The following TANC1 variants were observed in gnomAD, a reference collection of about 807,000 sequenced individuals.
TANC1 encodes tetratricopeptide repeat, ankyrin repeat and coiled-coil containing 1.
In TANC1, 77 loss-of-function variants were observed where a neutral mutation model predicts 149.7. The observed-to-expected ratio is 0.51, with a 90% CI of 0.43 to 0.62. The LOEUF is 0.62. TANC1 is among the 20% of genes least tolerant of loss of function. TANC1 has a pLI of 0.00. For synonymous variants in TANC1, 854 were observed against 925.0 expected (o/e 0.92, Z 1.39); for missense variants, 1,985 against 2,321.8 (o/e 0.85, Z 2.98).
intron 1 of TANC1, among the ~76,000 whole-genome samples, chr2:158,984,860 G>A (rs1719079): frequency 0.89 from 135,386 of 152,202 alleles, 60,495 homozygotes; most frequent in South Asian, 0.97. Flanking sequence ...TTACTAGAAC[G>A]GACGGTGCTT....
Position 159,196,746 on chromosome 2 carries a change from G to A in TANC1, c.3118G>A (p.Ala1040Thr), listed in dbSNP as rs752568121. The change falls in exon 18 of 27, where the codon GCC (alanine) becomes ACC (threonine). Residue 1040 changes from alanine (A) to threonine (T), a missense_variant. Physicochemically the swap from Ala to Thr is moderately conservative, Grantham distance 58 (BLOSUM62 0). Transcript: ENST00000263635. ...GCCAGGCACCCTGAGGAAGAGCCACGCCCTGCAGCAGGCGCTGACCGCGGC... is the reference window on the plus strand; with the variant it reads ...GCCAGGCACCCTGAGGAAGAGCCACACCCTGCAGCAGGCGCTGACCGCGGC... ...PQPGTLRKSH[A>T]LQQALTAAAS... The A allele has an allele frequency of 1.9e-5, 31 of 1,613,434 alleles. No homozygotes were observed. The highest frequency in any genetic ancestry group is 2.2e-5 in the Non-Finnish European group (26 of 1,179,938).
At chr2:159,056,862 G>T in intron 2 of TANC1, 1 of 317,322 alleles carries the variant, frequency 3.2e-6, no homozygotes. Context: ...TCAATCATAG[G>T]AGTTTCCTGG....
chr2:159,095,711 G>A (rs2046037969), intron 3 of TANC1, among the ~76,000 whole-genome samples: 2 of 140,048 alleles, frequency 1.4e-5, no homozygotes. Context: ...ACTCCAGCCT[G>A]GGCAACACAG....
intron 2 of TANC1, among the ~76,000 whole-genome samples, chr2:159,054,096 C>T (rs982939022): frequency 1.3e-5 from 2 of 152,198 alleles, no homozygotes; most frequent in Admixed American, 6.5e-5. Context: ...ACCTGTTGAG[C>T]AGCTTTGCCT....
chr2:159,080,400 GA>G (rs1232814993), intron 3 of TANC1, among the ~76,000 whole-genome samples: 1 of 152,160 alleles, frequency 6.6e-6, no homozygotes, highest in Non-Finnish European at 1.5e-5. Flanking sequence ...TCAGCACAGG[GA>G]AAACCAGGAG....
intron 2 of TANC1, among the ~76,000 whole-genome samples, chr2:159,030,900 G>C (rs909159218): frequency 6.6e-6 from 1 of 152,132 alleles, no homozygotes; most frequent in African/African-American, 2.4e-5. Flanking sequence ...AGGGAGTCCA[G>C]GTGTCAGGAG....
In TANC1 at chr2:159,062,973, C is replaced by CAAAAAAAAAAAAAAAAAAAAAAA; in HGVS notation, c.-15-2901_-15-2900insAAAAAAAAAAAAAAAAAAAAAAA. ...TGGGCGACAGAGCGAGACTCCGTCTCAAAAAAAAAAAAAAAAAAAAAAGAA... is the reference window on the plus strand; with the variant it reads ...TGGGCGACAGAGCGAGACTCCGTCTCAAAAAAAAAAAAAAAAAAAAAAAAAAAAAAAAAAAAAAAAAAAAAGAA... On this transcript the variant is annotated intron_variant, in intron 2 of 26. Coordinates refer to ENST00000263635, the MANE Select transcript of TANC1 (RefSeq NM_033394.3). 1.8e-3 allele frequency among the ~76,000 whole-genome samples: 76 copies of CAAAAAAAAAAAAAAAAAAAAAAA among 41,194 alleles called. 1 individual carries two copies. Among genetic ancestry groups the CAAAAAAAAAAAAAAAAAAAAAAA allele is most frequent in the Non-Finnish European group, 3.1e-3 (57 of 18,654 alleles). The allele number at this position is 41,194 out of a possible 152,430, so 27.0% of individuals were successfully genotyped here. A position where few individuals can be genotyped will look rare whatever the true frequency, so the allele number is the denominator to read the frequency against.
At chr2:159,157,443 A>G (rs2053556980) in intron 7 of TANC1, among the ~76,000 whole-genome samples, 1 of 152,158 alleles carries the variant, frequency 6.6e-6, no homozygotes, top group African/African-American at 2.4e-5. Context: ...GGAAAATCCA[A>G]AATGTGGCCT....
intron 2 of TANC1, among the ~76,000 whole-genome samples, chr2:159,054,745 G>A (rs1198624741): frequency 6.6e-6 from 1 of 152,116 alleles, no homozygotes; most frequent in Non-Finnish European, 1.5e-5. Flanking sequence ...TGTCCTCAAG[G>A]TCTCTTTTCA....
At chr2:158,991,748 A>G (rs2149278966) in intron 1 of TANC1, among the ~76,000 whole-genome samples, 1 of 152,212 alleles carries the variant, frequency 6.6e-6, no homozygotes, top group Non-Finnish European at 1.5e-5. Flanking sequence ...TCTGTCTCAA[A>G]AAAGAAAGAA....
At chr2:159,147,367 C>G (rs2052250700) in intron 5 of TANC1, among the ~76,000 whole-genome samples, 1 of 152,238 alleles carries the variant, frequency 6.6e-6, no homozygotes, top group African/African-American at 2.4e-5. Flanking sequence ...TTCCCTCCCT[C>G]CAGCCCAGCT....
In TANC1 at chr2:159,100,670, C is replaced by G. The variant is rs944264348; in HGVS notation, c.259+2836C>G. On this transcript the variant is annotated intron_variant, in intron 4 of 26. Transcript: ENST00000263635. ...CCAAATTTGTACAGCAAATTAGTGT[C>G]TCACAGTGGTAATTTGGCTTCATTA... 3.3e-5 allele frequency among the ~76,000 whole-genome samples: 5 copies of G among 152,258 alleles called. No individual in the cohort carries two copies. In the South Asian group the frequency reaches 1.0e-3, roughly 32 times the overall value.
intron 10 of TANC1, 85 bp from the exon 11 acceptor site, chr2:159,172,036 G>A: frequency 1.5e-6 from 2 of 1,350,344 alleles, no homozygotes; most frequent in Non-Finnish European, 2.1e-6. Context: ...ATTAAAATAT[G>A]CCCTGGCACA....
intron 4 of TANC1, 148 bp from the exon 5 acceptor site, chr2:159,136,046 G>GTGTGTGTGTGTT (rs2050667274): frequency 2.8e-5 from 7 of 247,074 alleles, no homozygotes; most frequent in South Asian, 2.1e-4. Flanking sequence ...GTGTGTGTGT[G>GTGTGTGTGTGTT]TGTGCGCGCG....
intron 1 of TANC1, among the ~76,000 whole-genome samples, chr2:158,990,732 TG>T (rs1215371608): frequency 1.3e-5 from 2 of 151,990 alleles, no homozygotes; most frequent in Non-Finnish European, 2.9e-5. Flanking sequence ...CTAGAGAGCC[TG>T]GTGAGTGTGA....
At chr2:159,044,708 C>T (rs879903620) in intron 2 of TANC1, among the ~76,000 whole-genome samples, 1 of 152,074 alleles carries the variant, frequency 6.6e-6, no homozygotes, top group Non-Finnish European at 1.5e-5. Flanking sequence ...AAATGGCTGA[C>T]TGGGGGCATT....
intron 2 of TANC1, among the ~76,000 whole-genome samples, chr2:159,051,046 A>G (rs1465843918): frequency 6.6e-6 from 1 of 152,206 alleles, no homozygotes; most frequent in East Asian, 1.9e-4. Context: ...TTTTGCTGAG[A>G]CCATGAAAAC....
chr2:159,047,242 A>C (rs2041141587), intron 2 of TANC1, among the ~76,000 whole-genome samples: 1 of 142,042 alleles, frequency 7.0e-6, no homozygotes. Flanking sequence ...CACTCACCCC[A>C]CGCTTGTCTG....
chr2:159,038,072 T>A (rs570348214), intron 2 of TANC1, among the ~76,000 whole-genome samples: 1 of 152,342 alleles, frequency 6.6e-6, no homozygotes, highest in Admixed American at 6.5e-5. Context: ...GTCCTTCACA[T>A]CCCTTGTAAG....
Sources: gnomAD v4.1 joint callset for allele counts (sites outside exome capture counted in the v4.1 genomes callset) on GRCh38, gnomAD v4.1.1 for gene constraint, MANE v1.5 for transcripts, NCBI Gene and HGNC (gene_info 2026-07-23, HGNC 2026-07-21) for gene names.